PLPP7: variants seen among roughly 807,000 people sequenced by gnomAD.
PLPP7 encodes phospholipid phosphatase 7 (inactive).
A neutral mutation model predicts 16.9 loss-of-function variants in PLPP7; 11 were observed. That is an observed-to-expected ratio of 0.65 (90% CI 0.41 to 1.08). PLPP7 has a LOEUF of 1.08. Among genes scored for constraint, PLPP7 ranks in the 50% least tolerant of loss-of-function variants. The pLI is 0.00. For synonymous variants in PLPP7, 174 were observed against 175.1 expected, an observed-to-expected ratio of 0.99 and a Z score of 0.05; for missense variants, 358 against 397.1, an observed-to-expected ratio of 0.90 and a Z score of 0.84.
chr9:131,291,118 C>G, intron 1 of PLPP7: 3 of 1,366,558 alleles, frequency 2.2e-6, no homozygotes, highest in Non-Finnish European at 2.9e-6. Context: ...CAGATTAGCA[C>G]CGCCCTGTGC....
chr9:131,290,349 A>C lies in PLPP7; in HGVS notation c.352A>C (p.Ile118Leu), dbSNP rs1361417321. The change falls in exon 1 of 2, where the codon ATC becomes CTC. Residue 118 changes from isoleucine (I) to leucine (L), a missense_variant. Coordinates refer to ENST00000372264, the MANE Select transcript of PLPP7 (RefSeq NM_032728.4). The surrounding 1 kb of genome is among the most constrained non-coding windows in gnomAD (Gnocchi z 4.2). ...SARSMVKLIGITGHGIPWIGG... is the reference protein window; with the variant it reads ...SARSMVKLIGLTGHGIPWIGG... ...CCGCTCCATGGTCAAGCTCATCGGC[A>C]TCACGGGCCACGGCATCCCCTGGAT... 1.2e-6 allele frequency: 2 copies of C among 1,610,232 alleles called. No individual in the cohort carries two copies. Among genetic ancestry groups the C allele is most frequent in the Non-Finnish European group, 8.5e-7 (1 of 1,178,524 alleles).
Position 131,308,488 on chromosome 9 carries a change from C to A in PLPP7, c.*201C>A, listed in dbSNP as rs1460864795. 9 of 859,174 alleles carry A rather than the reference C, an allele frequency of 1.0e-5. 1 individual carries two copies. The highest frequency in any genetic ancestry group is 3.6e-5 in the South Asian group (2 of 55,222). The allele number at this position is 859,174 out of a possible 1,614,324, so 53.2% of individuals were successfully genotyped here. ...GACAAGCGTGTTTGGCAGTGCCAGG[C>A]CTCTTGCCCCTTTGCTTGGACTCCA... On this transcript the variant is annotated 3_prime_UTR_variant, in exon 2 of 2. Coordinates refer to ENST00000372264, the MANE Select transcript of PLPP7 (RefSeq NM_032728.4).
rs879899976 is a variant in PLPP7, at chr9:131,295,490, A to G, written c.451+5042A>G. On this transcript the variant is annotated intron_variant, in intron 1 of 1. Coordinates refer to ENST00000372264, the MANE Select transcript of PLPP7 (RefSeq NM_032728.4). This position sits in a 1 kb window ranked among gnomAD's most constrained non-coding sequence, Gnocchi z 4.0. ...TTTTATGTCATTTTTTATTGTGATA[A>G]GCTATACATCACACAAAATTGATCA... Among the ~76,000 whole-genome samples, 1 of 152,142 alleles carries G rather than the reference A, an allele frequency of 6.6e-6. No individual in the cohort carries two copies. Among genetic ancestry groups the G allele is most frequent in the Non-Finnish European group, 1.5e-5 (1 of 68,032 alleles).
chr9:131,305,452 A>G (rs1835843358), intron 1 of PLPP7, among the ~76,000 whole-genome samples: 1 of 145,168 alleles, frequency 6.9e-6, no homozygotes, highest in African/African-American at 2.6e-5. Flanking sequence ...GGCTCAGGAG[A>G]CTGAGGGAGG....
In PLPP7 at chr9:131,294,961, T is replaced by C. The variant is rs186994601; in HGVS notation, c.451+4513T>C. On this transcript the variant is annotated intron_variant, in intron 1 of 1. Transcript: ENST00000372264. Reference sequence around the variant, plus strand: ...TGCTGGCCTATAAAAGTATCTTTTTTTTTTCCTTTGAGACGGAATCTCACT... The same window carrying C: ...TGCTGGCCTATAAAAGTATCTTTTTCTTTTCCTTTGAGACGGAATCTCACT... 1.8e-3 allele frequency among the ~76,000 whole-genome samples: 276 copies of C among 151,662 alleles called. 2 individuals carry two copies. The highest frequency in any genetic ancestry group is 6.0e-3 in the African/African-American group (247 of 41,418).
At chr9:131,303,593 C>A (rs1377334694) in intron 1 of PLPP7, among the ~76,000 whole-genome samples, 2 of 151,668 alleles carry the variant, frequency 1.3e-5, no homozygotes, top group East Asian at 3.9e-4. Flanking sequence ...CTGCACTGAA[C>A]TGTCATTGAG....
rs115689246 is a variant in PLPP7, at chr9:131,298,516, A to G, written c.451+8068A>G. 7.8e-3 allele frequency among the ~76,000 whole-genome samples: 1,177 copies of G among 151,362 alleles called. 18 individuals carry two copies. Among genetic ancestry groups the G allele is most frequent in the African/African-American group, 0.027 (1,125 of 41,208 alleles). On this transcript the variant is annotated intron_variant, in intron 1 of 1. Coordinates refer to ENST00000372264, the MANE Select transcript of PLPP7 (RefSeq NM_032728.4). ...TCCCACCCCTACCCCACTAGCCCCA[A>G]CTCCCCAAAGACCCTGCCCTGCTCT...
intron 1 of PLPP7, among the ~76,000 whole-genome samples, chr9:131,299,060 A>G (rs1355125898): frequency 1.3e-5 from 2 of 152,182 alleles, no homozygotes; most frequent in Non-Finnish European, 2.9e-5. Flanking sequence ...TCTGCTATAC[A>G]CAAGCATCAG....
chr9:131,290,225 C>T lies in PLPP7; in HGVS notation c.228C>T (p.Ser76=), dbSNP rs1835652176. ...AGGACTGCATGCAGCTGAACCCCTC[C>T]TTCAAGGGCATCGCCTTCAACTCCC... ...PEEDCMQLNP[S]FKGIAFNSLL... is the part of the protein sequence containing the mutation. Residue 76 remains serine, a synonymous_variant, in exon 1 of 2, where the codon TCC becomes TCT. Transcript: ENST00000372264. This position sits in a 1 kb window ranked among gnomAD's most constrained non-coding sequence, Gnocchi z 4.2. 3 of 1,609,256 alleles carry T rather than the reference C, an allele frequency of 1.9e-6. No homozygotes were observed. Among genetic ancestry groups the T allele is most frequent in the South Asian group, 2.2e-5 (2 of 90,256 alleles).
At chr9:131,302,008 G>A (rs2478863) in intron 1 of PLPP7, among the ~76,000 whole-genome samples, 100,003 of 151,446 alleles carry the variant, frequency 0.66, 34,097 homozygotes, top group Middle Eastern at 0.78. Context: ...TAGTAGAGAC[G>A]GGGTTTCACC....
Position 131,289,961 on chromosome 9 carries a change from G to T in PLPP7, c.-37G>T. On this transcript the variant is annotated 5_prime_UTR_variant, in exon 1 of 2. Coordinates refer to ENST00000372264, the MANE Select transcript of PLPP7 (RefSeq NM_032728.4). ...TTCGGGGAGAAGGCCCTTGGAGCCGGGCTGGCATCGGCCTTCTCGGGGTGA... is the reference window on the plus strand; with the variant it reads ...TTCGGGGAGAAGGCCCTTGGAGCCGTGCTGGCATCGGCCTTCTCGGGGTGA... 7.2e-7 allele frequency: 1 copy of T among 1,384,598 alleles called. No individual in the cohort carries two copies. Among genetic ancestry groups the T allele is most frequent in the Non-Finnish European group, 9.3e-7 (1 of 1,072,674 alleles). The allele number at this position is 1,384,598 out of a possible 1,614,324, so 85.8% of individuals were successfully genotyped here. A position where few individuals can be genotyped will look rare whatever the true frequency, so the allele number is the denominator to read the frequency against.
intron 1 of PLPP7, among the ~76,000 whole-genome samples, chr9:131,294,391 C>T (rs920149331): frequency 6.6e-6 from 1 of 152,198 alleles, no homozygotes; most frequent in Non-Finnish European, 1.5e-5. Context: ...TCATCATTAT[C>T]ACCGTCATCA....
chr9:131,305,438 C>T (rs766709249), intron 1 of PLPP7, among the ~76,000 whole-genome samples: 32 of 139,822 alleles, frequency 2.3e-4, no homozygotes, highest in African/African-American at 4.3e-4. Context: ...CTTGTAGTCT[C>T]GGTGGCTCAG....
Position 131,290,267 on chromosome 9 carries a change from C to A in PLPP7, c.270C>A (p.Ile90=). 1 of 1,612,600 alleles carries A rather than the reference C, an allele frequency of 6.2e-7. No individual in the cohort carries two copies. Among genetic ancestry groups the A allele is most frequent in the Non-Finnish European group, 8.5e-7 (1 of 1,179,298 alleles). ...IAFNSLLAID[I]CMSKRLGVCA... ...TCAACTCCCTGCTGGCCATCGATAT[C>A]TGTATGTCCAAGCGGCTGGGGGTGT... The change falls in exon 1 of 2, where the codon ATC becomes ATA. Residue 90 remains isoleucine (I), a synonymous_variant. Coordinates refer to ENST00000372264, the MANE Select transcript of PLPP7 (RefSeq NM_032728.4). This position sits in a 1 kb window ranked among gnomAD's most constrained non-coding sequence, Gnocchi z 4.2.
chr9:131,302,164 C>G (rs753265189), intron 1 of PLPP7, among the ~76,000 whole-genome samples: 1 of 152,118 alleles, frequency 6.6e-6, no homozygotes, highest in Admixed American at 6.6e-5. Flanking sequence ...GCCAGAAGCA[C>G]CAGGACCCCT....
At chr9:131,291,556 CCT>C in intron 1 of PLPP7, 1 of 245,204 alleles carries the variant, frequency 4.1e-6, no homozygotes, top group Non-Finnish European at 6.5e-6. Context: ...TTTTCTTGTT[CCT>C]TTTTTTTTTT....
Position 131,297,922 on chromosome 9 carries a change from A to G in PLPP7, c.451+7474A>G, listed in dbSNP as rs527568005. The stretch of plus-strand genomic sequence containing the variant: ...GGCATCCTACTGGAAATCCTATTTT[A>G]TAAGTGGCCTTTTCCACTTAACATA... On this transcript the variant is annotated intron_variant, in intron 1 of 1. Transcript: ENST00000372264. Among the ~76,000 whole-genome samples, 16 of 152,276 alleles carry G rather than the reference A, an allele frequency of 1.1e-4. No individual in the cohort carries two copies. In the East Asian group the frequency reaches 3.1e-3, roughly 29 times the overall value.
Position 131,308,030 on chromosome 9 carries a change from T to C in PLPP7, c.559T>C (p.Tyr187His). 1 of 1,601,094 alleles carries C rather than the reference T, an allele frequency of 6.2e-7. No homozygotes were observed. The highest frequency in any genetic ancestry group is 8.5e-7 in the Non-Finnish European group (1 of 1,179,862). The change falls in exon 2 of 2, where the codon TAC becomes CAC. Residue 187 changes from tyrosine (Y) to histidine (H), a missense_variant. Transcript: ENST00000372264. ...SLLDYLTMDI[Y>H]AFPAGHASRA... ...CCTGGACTACCTCACCATGGACATC[T>C]ACGCCTTCCCGGCCGGGCACGCCAG...
intron 1 of PLPP7, chr9:131,291,516 A>T: frequency 3.2e-6 from 2 of 625,326 alleles, no homozygotes; most frequent in Non-Finnish European, 4.0e-6. Flanking sequence ...TACTTCATGC[A>T]GGAGATGGCT....
Sources: gnomAD v4.1 joint callset for allele counts (sites outside exome capture counted in the v4.1 genomes callset) on GRCh38, gnomAD v4.1.1 for gene constraint, Gnocchi (gnomAD v3.1) non-coding constraint, MANE v1.5 for transcripts, NCBI Gene and HGNC (gene_info 2026-07-23, HGNC 2026-07-21) for gene names.